Variants in SUGCT observed in about 807,000 individuals in gnomAD.
SUGCT encodes succinyl-CoA:glutarate-CoA transferase, also known as succinyl-CoA:glutarate CoA-transferase.
A neutral mutation model predicts 55.0 loss-of-function variants in SUGCT; 41 were observed. The observed-to-expected ratio is 0.74, with a 90% CI of 0.58 to 0.97. The LOEUF (loss-of-function observed/expected upper bound fraction) is 0.97, where lower values mean the gene tolerates loss of function less well. Ranked by LOEUF, SUGCT falls within the 50% of genes least tolerant of loss-of-function variation. The pLI, the probability that SUGCT is intolerant of heterozygous loss-of-function variation, is 0.00. For synonymous variants in SUGCT, 187 were observed against 200.4 expected (o/e 0.93, Z 0.56); for missense variants, 568 against 547.8 (o/e 1.04, Z -0.37).
At chr7:40,999,988 C>T in the SUGCT span, among the ~76,000 whole-genome samples, 2 of 152,132 alleles carry the variant, frequency 1.3e-5, no homozygotes, top group African/African-American at 4.8e-5. Context: ...TAAGTTGGCC[C>T]CATCCAACAG....
At chr7:40,256,884 C>T (rs1391373434) in intron 7 of SUGCT, among the ~76,000 whole-genome samples, 1 of 151,958 alleles carries the variant, frequency 6.6e-6, no homozygotes, top group Admixed American at 6.6e-5. Flanking sequence ...GCCGGGACTA[C>T]AGGCGCCCAC....
intron 12 of SUGCT, among the ~76,000 whole-genome samples, chr7:40,577,181 A>G (rs1340836949): frequency 6.6e-6 from 1 of 152,220 alleles, no homozygotes; most frequent in East Asian, 1.9e-4. Flanking sequence ...ATCCTCAGAG[A>G]GGCAGGTACC....
intron 12 of SUGCT, among the ~76,000 whole-genome samples, chr7:40,587,290 A>G (rs567555641): frequency 1.3e-5 from 2 of 152,370 alleles, no homozygotes; most frequent in South Asian, 4.1e-4. Flanking sequence ...TTTACTGTAT[A>G]TAAATTGCAC....
At chr7:40,982,849 A>T in the SUGCT span, among the ~76,000 whole-genome samples, 1 of 151,830 alleles carries the variant, frequency 6.6e-6, no homozygotes, top group Non-Finnish European at 1.5e-5. Context: ...ATATTTTTCC[A>T]TGTTGCCCAG....
intron 12 of SUGCT, chr7:40,539,350 A>C (rs1472400509): frequency 6.6e-6 from 1 of 152,198 alleles, no homozygotes; most frequent in Non-Finnish European, 1.5e-5. Flanking sequence ...ATAAAAGAGC[A>C]ATAGGAAAAT....
At chr7:40,931,661 A>G in the SUGCT span, among the ~76,000 whole-genome samples, 31 of 152,176 alleles carry the variant, frequency 2.0e-4, no homozygotes, top group East Asian at 5.8e-3. Context: ...GAGGGTGTAC[A>G]TGTCCAGGAA....
intron 12 of SUGCT, among the ~76,000 whole-genome samples, chr7:40,584,102 G>C (rs1797247271): frequency 6.6e-6 from 1 of 152,130 alleles, no homozygotes; most frequent in Non-Finnish European, 1.5e-5. Flanking sequence ...TTTAGGAATT[G>C]TTTTTTGAGC....
chr7:40,528,502 T>A (rs943966156), intron 12 of SUGCT, among the ~76,000 whole-genome samples: 1 of 152,234 alleles, frequency 6.6e-6, no homozygotes, highest in African/African-American at 2.4e-5. Flanking sequence ...AAAATTCTGT[T>A]TTAGACCAGT....
At chr7:40,629,278 A>T (rs1293496233) in intron 12 of SUGCT, among the ~76,000 whole-genome samples, 1 of 152,228 alleles carries the variant, frequency 6.6e-6, no homozygotes, top group Non-Finnish European at 1.5e-5. Context: ...TGTCAGATCT[A>T]AATAATTTAG....
intron 12 of SUGCT, among the ~76,000 whole-genome samples, chr7:40,632,866 C>T (rs1208094574): frequency 6.6e-6 from 1 of 152,050 alleles, no homozygotes; most frequent in Non-Finnish European, 1.5e-5. Context: ...ACTAGGGTTG[C>T]CTAAATTTAG....
chr7:40,363,526 T>C (rs1357449652), intron 9 of SUGCT, among the ~76,000 whole-genome samples: 2 of 152,224 alleles, frequency 1.3e-5, no homozygotes, highest in Non-Finnish European at 2.9e-5. Flanking sequence ...TTGTTCTCGC[T>C]GGTTTCAAAG....
chr7:40,496,240 C>A, intron 11 of SUGCT, 44 bp from the exon 12 acceptor site: 1 of 1,291,242 alleles, frequency 7.7e-7, no homozygotes, highest in Non-Finnish European at 1.1e-6. Flanking sequence ...GGCTGTGTTA[C>A]ATTCCTTCCT....
intron 12 of SUGCT, among the ~76,000 whole-genome samples, chr7:40,513,729 A>G (rs962468880): frequency 1.5e-4 from 23 of 150,978 alleles, no homozygotes; most frequent in Non-Finnish European, 3.0e-4. Flanking sequence ...TATTTAAATT[A>G]GGGGATTCTC....
chr7:40,673,274 C>T (rs376017552), intron 12 of SUGCT, among the ~76,000 whole-genome samples: 1 of 152,108 alleles, frequency 6.6e-6, no homozygotes, highest in Non-Finnish European at 1.5e-5. Flanking sequence ...ATCTTTGCCC[C>T]TTAATCACTG....
intron 13 of SUGCT, among the ~76,000 whole-genome samples, chr7:40,825,530 G>A (rs750879493): frequency 6.6e-6 from 1 of 152,048 alleles, no homozygotes; most frequent in Non-Finnish European, 1.5e-5. Flanking sequence ...GTTTTTTAAC[G>A]TATTCCATGA....
chr7:41,006,686 G>C, the SUGCT span, among the ~76,000 whole-genome samples: 1 of 152,198 alleles, frequency 6.6e-6, no homozygotes, highest in Admixed American at 6.5e-5. Context: ...CCAGGCTTAA[G>C]ACAACGATAA....
At chr7:40,324,251 A>ATGT (rs57798993) in intron 9 of SUGCT, among the ~76,000 whole-genome samples, 1 of 114,452 alleles carries the variant, frequency 8.7e-6, no homozygotes, top group Non-Finnish European at 1.8e-5. Flanking sequence ...ATAAATAAAT[A>ATGT]AATATATATA....
intron 13 of SUGCT, among the ~76,000 whole-genome samples, chr7:40,831,510 G>A (rs973127722): frequency 1.3e-5 from 2 of 152,196 alleles, no homozygotes; most frequent in East Asian, 1.9e-4. Flanking sequence ...GCTGTCATAC[G>A]AAACTTCAAA....
At chr7:41,035,976 C>T in the SUGCT span, among the ~76,000 whole-genome samples, 1 of 152,336 alleles carries the variant, frequency 6.6e-6, no homozygotes, top group Non-Finnish European at 1.5e-5. Flanking sequence ...CTTTGGAACC[C>T]CCTGTGGTTT....
Sources: allele counts gnomAD v4.1 joint callset (sites outside exome capture counted in the v4.1 genomes callset), GRCh38; gene constraint gnomAD v4.1.1; transcripts MANE v1.5; gene names NCBI Gene and HGNC (gene_info 2026-07-23, HGNC 2026-07-21).